The following SLAMF1 variants were observed in gnomAD, a reference collection of about 807,000 sequenced individuals.
SLAMF1 encodes signaling lymphocytic activation molecule.
SLAMF1 carries 18 observed loss-of-function variants against 35.1 expected under a neutral mutation model. That is an observed-to-expected ratio of 0.51 (90% confidence interval 0.35 to 0.76). The LOEUF (loss-of-function observed/expected upper bound fraction) is 0.76, where lower values mean the gene tolerates loss of function less well. SLAMF1 is among the 30% of genes least tolerant of loss of function. The pLI is 0.01. For missense variants in SLAMF1, 392 were observed against 413.0 expected, an observed-to-expected ratio of 0.95 and a Z score of 0.44; for synonymous variants, 168 against 157.2, an observed-to-expected ratio of 1.07 and a Z score of -0.51.
intron 5 of SLAMF1, among the ~76,000 whole-genome samples, chr1:160,613,582 T>C (rs138537174): frequency 6.6e-6 from 1 of 152,346 alleles, no homozygotes; most frequent in East Asian, 1.9e-4. Flanking sequence ...GGGATAATGC[T>C]GCTGTCCACT....
At chr1:160,618,651 G>A (rs958462744) in intron 5 of SLAMF1, among the ~76,000 whole-genome samples, 1 of 152,162 alleles carries the variant, frequency 6.6e-6, no homozygotes, top group African/African-American at 2.4e-5. Context: ...GTCCTGAACT[G>A]ATGAATGCCA....
chr1:160,620,620 C>T (rs1659559593), intron 4 of SLAMF1, among the ~76,000 whole-genome samples: 1 of 151,922 alleles, frequency 6.6e-6, no homozygotes, highest in African/African-American at 2.4e-5. Context: ...GTATAAATCC[C>T]CTTCTTCCAT....
chr1:160,632,340 T>G (rs1049142918), intron 3 of SLAMF1, among the ~76,000 whole-genome samples: 1 of 152,138 alleles, frequency 6.6e-6, no homozygotes, highest in Non-Finnish European at 1.5e-5. Flanking sequence ...TGGACAGTTC[T>G]CTTACAAACC....
intron 3 of SLAMF1, among the ~76,000 whole-genome samples, chr1:160,630,431 A>G (rs1263276753): frequency 3.3e-5 from 5 of 152,194 alleles, no homozygotes; most frequent in East Asian, 1.9e-4. Flanking sequence ...CTCACATCAC[A>G]TTGCATTCCG....
intron 1 of SLAMF1, among the ~76,000 whole-genome samples, chr1:160,644,709 C>A (rs1660941016): frequency 6.6e-6 from 1 of 152,114 alleles, no homozygotes; most frequent in Admixed American, 6.5e-5. Context: ...GATTTCCAGT[C>A]CAGTGAGGGA....
chr1:160,642,754 C>T lies in SLAMF1; in HGVS notation c.76+4116G>A, dbSNP rs1158822672. On this transcript the variant is annotated intron_variant, in intron 1 of 6. Transcript: ENST00000302035. This position sits in a 1 kb window ranked among gnomAD's most constrained non-coding sequence, Gnocchi z 4.2. ...AAGAAAGTGGTGGGGACCCTTTTCC[C>T]CACTTGCCAGCTGAGGACATGGAAG... Among the ~76,000 whole-genome samples, 1 of 152,078 alleles carries T rather than the reference C, an allele frequency of 6.6e-6. No individual in the cohort carries two copies. Among genetic ancestry groups the T allele is most frequent in the African/African-American group, 2.4e-5 (1 of 41,402 alleles).
intron 1 of SLAMF1, among the ~76,000 whole-genome samples, chr1:160,641,799 G>A (rs1029890443): frequency 1.3e-5 from 2 of 152,190 alleles, no homozygotes; most frequent in African/African-American, 4.8e-5. Context: ...TGCTAGATGA[G>A]TGTTTTCCAG....
chr1:160,615,572 C>T (rs1182149269), intron 5 of SLAMF1, among the ~76,000 whole-genome samples: 1 of 152,126 alleles, frequency 6.6e-6, no homozygotes, highest in Non-Finnish European at 1.5e-5. Context: ...ATAAGACATC[C>T]TACCCAAATA....
chr1:160,634,313 A>G (rs1484943385), intron 3 of SLAMF1: 4 of 774,704 alleles, frequency 5.2e-6, no homozygotes, highest in African/African-American at 1.9e-5. Context: ...CACCCAGCCA[A>G]CCTTGCAGGT....
At chr1:160,628,274 A>C (rs1289396326) in intron 3 of SLAMF1, among the ~76,000 whole-genome samples, 3 of 152,096 alleles carry the variant, frequency 2.0e-5, no homozygotes, top group Non-Finnish European at 2.9e-5. Flanking sequence ...CCAGGGAGCA[A>C]ATTCCATTGT....
At chr1:160,634,521 G>A in intron 3 of SLAMF1, 92 bp downstream of exon 3, 1 of 1,442,164 alleles carries the variant, frequency 6.9e-7, no homozygotes, top group South Asian at 1.4e-5. Flanking sequence ...TTGTTACTAA[G>A]GTGAATGCCA....
At chr1:160,622,758 A>G (rs995844859) in intron 4 of SLAMF1, among the ~76,000 whole-genome samples, 2 of 152,178 alleles carry the variant, frequency 1.3e-5, no homozygotes, top group Non-Finnish European at 2.9e-5. Flanking sequence ...CTGCATCTGA[A>G]TGTAAGTTTG....
Position 160,642,479 on chromosome 1 carries a change from C to G in SLAMF1, c.76+4391G>C, listed in dbSNP as rs111695020. 2.2e-3 allele frequency among the ~76,000 whole-genome samples: 337 copies of G among 152,312 alleles called. No homozygotes were observed. Among genetic ancestry groups the G allele is most frequent in the African/African-American group, 7.7e-3 (321 of 41,568 alleles). On this transcript the variant is annotated intron_variant, in intron 1 of 6. Transcript: ENST00000302035. This position sits in a 1 kb window ranked among gnomAD's most constrained non-coding sequence, Gnocchi z 4.2. ...CACGTGTTCAACTCTGGTTCAATGCCTGTAATCCCCCACTCTTATAAGCTT... is the reference window on the plus strand; with the variant it reads ...CACGTGTTCAACTCTGGTTCAATGCGTGTAATCCCCCACTCTTATAAGCTT...
At chr1:160,615,873 C>T in intron 5 of SLAMF1, 1 of 173,416 alleles carries the variant, frequency 5.8e-6, no homozygotes, top group South Asian at 1.2e-4. Flanking sequence ...CCACGGAGAG[C>T]CTGGAGCCAC....
intron 5 of SLAMF1, chr1:160,615,739 G>A (rs1391860233): frequency 5.7e-6 from 2 of 352,568 alleles, no homozygotes; most frequent in Non-Finnish European, 1.1e-5. Flanking sequence ...TCCTGGATTA[G>A]AATAAGTCCG....
intron 4 of SLAMF1, among the ~76,000 whole-genome samples, chr1:160,620,472 GT>G (rs775739966): frequency 2.0e-5 from 3 of 152,044 alleles, no homozygotes; most frequent in Non-Finnish European, 4.4e-5. Context: ...AGGGCCTAGG[GT>G]CTCTGGAAAT....
At chr1:160,625,851 GTGTA>G (rs1249068019) in intron 3 of SLAMF1, among the ~76,000 whole-genome samples, 10 of 144,888 alleles carry the variant, frequency 6.9e-5, no homozygotes, top group Non-Finnish European at 1.6e-4. Flanking sequence ...GTGTGTGTGT[GTGTA>G]TGTGTGTATG....
Position 160,612,521 on chromosome 1 carries a change from A to T in SLAMF1, c.924T>A (p.Val308=). The change falls in exon 6 of 7, where the codon GTT becomes GTA. Residue 308 remains valine, a synonymous_variant. Coordinates refer to ENST00000302035, the MANE Select transcript of SLAMF1 (RefSeq NM_003037.5). ...PAQDPCTTIY[V]AATEPVPESV... is the part of the protein sequence containing the mutation. ...ACTCTGGGACAGGCTCTGTGGCAGC[A>T]ACATATATGGTGGTGCAAGGGTCCT... 6.2e-7 allele frequency: 1 copy of T among 1,613,054 alleles called. No homozygotes were observed. Among genetic ancestry groups the T allele is most frequent in the Non-Finnish European group, 8.5e-7 (1 of 1,179,484 alleles).
At position 160,642,681 on chromosome 1, in the gene SLAMF1, A is replaced by C. The variant is rs1660814529; in HGVS notation, c.76+4189T>G. 1.3e-5 allele frequency among the ~76,000 whole-genome samples: 2 copies of C among 152,228 alleles called. No individual in the cohort carries two copies. The highest frequency in any genetic ancestry group is 1.3e-4 in the Admixed American group (2 of 15,280). On this transcript the variant is annotated intron_variant, in intron 1 of 6. Coordinates refer to ENST00000302035, the MANE Select transcript of SLAMF1 (RefSeq NM_003037.5). This position sits in a 1 kb window ranked among gnomAD's most constrained non-coding sequence, Gnocchi z 4.2. Reference sequence around the variant, plus strand: ...CAAGTTCTCCTCCCTCCAAAAGCAGAATGTACTCTGATTTGCCTTTATAGT... The same window carrying C: ...CAAGTTCTCCTCCCTCCAAAAGCAGCATGTACTCTGATTTGCCTTTATAGT...
Sources: gnomAD v4.1 joint callset for allele counts (sites outside exome capture counted in the v4.1 genomes callset) on GRCh38, gnomAD v4.1.1 for gene constraint, Gnocchi (gnomAD v3.1) non-coding constraint, MANE v1.5 for transcripts, NCBI Gene and HGNC (gene_info 2026-07-23, HGNC 2026-07-21) for gene names.